The following UBAC1 variants were observed in gnomAD, a reference collection of about 807,000 sequenced individuals.
UBAC1 encodes UBA domain containing 1.
UBAC1 carries 27 observed loss-of-function variants against 45.9 expected under a neutral mutation model. That is an observed-to-expected ratio of 0.59 (90% CI 0.43 to 0.81). The LOEUF (loss-of-function observed/expected upper bound fraction) is 0.81, where lower values mean the gene tolerates loss of function less well. Among genes scored for constraint, UBAC1 ranks in the 30% least tolerant of loss-of-function variants. The pLI is 0.00. For missense variants in UBAC1, 529 were observed against 539.2 expected (o/e 0.98, Z 0.19); for synonymous variants, 227 against 215.5 (o/e 1.05, Z -0.47).
intron 8 of UBAC1, among the ~76,000 whole-genome samples, 188 bp downstream of exon 8, chr9:135,939,484 CT>C: frequency 9.4e-6 from 1 of 106,058 alleles, no homozygotes; most frequent in Non-Finnish European, 2.1e-5. Context: ...CCCACACTCA[CT>C]CACCACAGCC....
chr9:135,935,791 CCG>C lies in UBAC1; in HGVS notation c.1103-2278_1103-2277del, dbSNP rs1241470654. The stretch of plus-strand genomic sequence containing the variant: ...CCTGTAATCCCAGCACTTTGGGAGG[CCG>C]AGACGGGCGGATCACGAGGTCAGGA... On this transcript the variant is annotated intron_variant, in intron 9 of 9. Coordinates refer to ENST00000371756, the MANE Select transcript of UBAC1 (RefSeq NM_016172.3). 3.3e-5 allele frequency among the ~76,000 whole-genome samples: 5 copies of C among 152,286 alleles called. No homozygotes were observed. In the East Asian group the frequency reaches 9.6e-4, roughly 29 times the overall value.
Position 135,938,297 on chromosome 9 carries a change from C to T in UBAC1, c.1027G>A (p.Asp343Asn), listed in dbSNP as rs200423294. Residue 343 changes from aspartate (D) to asparagine (N), a missense_variant, in exon 9 of 10, where the codon GAC becomes AAC. Physicochemically the swap from Asp to Asn is conservative, Grantham distance 23. Coordinates refer to ENST00000371756, the MANE Select transcript of UBAC1 (RefSeq NM_016172.3). ...PEELDKGIDP[D>N]SPLFQAILDN... is the part of the protein sequence containing the mutation. Reference sequence around the variant, plus strand: ...AGGATGGCCTGAAAGAGAGGACTGTCGGGGTCGATGCCCTTGTCCAGCTCC... The same window carrying T: ...AGGATGGCCTGAAAGAGAGGACTGTTGGGGTCGATGCCCTTGTCCAGCTCC... 4.1e-5 allele frequency: 66 copies of T among 1,614,038 alleles called. No homozygotes were observed. The highest frequency in any genetic ancestry group is 5.3e-5 in the Non-Finnish European group (62 of 1,180,050).
chr9:135,945,061 GAT>G lies in UBAC1; in HGVS notation c.841_842del (p.Ile281ProfsTer9). On this transcript the variant is annotated frameshift_variant, in exon 7 of 10. Coordinates refer to ENST00000371756, the MANE Select transcript of UBAC1 (RefSeq NM_016172.3). LOFTEE classifies it high-confidence loss of function. Reference protein sequence around the residue: ...RDELTEIFKKIRRKREFRADA... With the variant: ...RDELTEIFKKXRRKREFRADA... ...CAGCCCGAAACTCCCTTTTCCTCCG[GAT>G]CTTCTTGAAGATTTCCGTCAGCTCA... 1 of 1,613,862 alleles carries G rather than the reference GAT, an allele frequency of 6.2e-7. No individual in the cohort carries two copies. Among genetic ancestry groups the G allele is most frequent in the Non-Finnish European group, 8.5e-7 (1 of 1,179,918 alleles).
At chr9:135,934,818 A>G (rs1839184844) in intron 9 of UBAC1, among the ~76,000 whole-genome samples, 2 of 152,220 alleles carry the variant, frequency 1.3e-5, no homozygotes, top group Non-Finnish European at 2.9e-5. Context: ...GAACAAAAAG[A>G]TAAAGAGTTA....
At position 135,946,276 on chromosome 9, in the gene UBAC1, C is replaced by T. The variant is rs754604165; in HGVS notation, c.537G>A (p.Lys179=). Residue 179 remains lysine, a synonymous_variant, in exon 5 of 10, where the codon AAG becomes AAA. Coordinates refer to ENST00000371756, the MANE Select transcript of UBAC1 (RefSeq NM_016172.3). The part of the protein sequence containing the change: ...LNPDAVELFK[K]ANAMLDEDED... ...ATCGGGGTTGACTCATACCATTCGCCTTCTTAAACAATTCCACTGCATCTG... is the reference window on the plus strand; with the variant it reads ...ATCGGGGTTGACTCATACCATTCGCTTTCTTAAACAATTCCACTGCATCTG... 6.2e-6 allele frequency: 10 copies of T among 1,611,640 alleles called. No individual in the cohort carries two copies. Among genetic ancestry groups the T allele is most frequent in the African/African-American group, 1.3e-5 (1 of 74,896 alleles).
chr9:135,943,174 C>T (rs1839289324), intron 7 of UBAC1, among the ~76,000 whole-genome samples: 1 of 152,164 alleles, frequency 6.6e-6, no homozygotes, highest in Admixed American at 6.5e-5. Context: ...AATCCCAGCA[C>T]TTTGGGAGGC....
At chr9:135,957,473 C>A (rs1182477043) in intron 1 of UBAC1, among the ~76,000 whole-genome samples, 1 of 152,156 alleles carries the variant, frequency 6.6e-6, no homozygotes, top group Non-Finnish European at 1.5e-5. Context: ...GTGTCACCAG[C>A]ACACCAGGAA....
At chr9:135,939,973 A>C (rs1839249096) in intron 7 of UBAC1, among the ~76,000 whole-genome samples, 1 of 152,240 alleles carries the variant, frequency 6.6e-6, no homozygotes, top group African/African-American at 2.4e-5. Flanking sequence ...GGATGACTGT[A>C]GTTAGCAGAG....
Position 135,933,087 on chromosome 9 carries a change from CA to C in UBAC1, c.*312del. ...TCAAATAACAAGTGGACTCTCCAAG[CA>C]AATGTCTACACGGCAATTCAAGCAG... On this transcript the variant is annotated 3_prime_UTR_variant, in exon 10 of 10. Transcript: ENST00000371756. 2 of 282,820 alleles carry C rather than the reference CA, an allele frequency of 7.1e-6. No homozygotes were observed. The highest frequency in any genetic ancestry group is 1.4e-4 in the South Asian group (2 of 13,940). 17.5% of individuals were successfully genotyped at this position (282,820 alleles called of 1,614,324 possible).
intron 1 of UBAC1, among the ~76,000 whole-genome samples, chr9:135,958,892 T>C (rs1454830783): frequency 6.6e-6 from 1 of 152,216 alleles, no homozygotes; most frequent in Non-Finnish European, 1.5e-5. Context: ...CCTCCACACC[T>C]GTGGAAACCG....
In UBAC1 at chr9:135,948,080, C is replaced by T. The variant is rs966389653; in HGVS notation, c.334-175G>A. Reference sequence around the variant, plus strand: ...GAGAGTTCTGTGCAAGGCCCAGGGACAGCAGACGTGTCCTCAGCGTCTGCT... The same window carrying T: ...GAGAGTTCTGTGCAAGGCCCAGGGATAGCAGACGTGTCCTCAGCGTCTGCT... On this transcript the variant is annotated intron_variant, in intron 3 of 9. Transcript: ENST00000371756. The T allele has an allele frequency of 3.2e-5, 19 of 592,204 alleles. 1 individual carries two copies. Among genetic ancestry groups the T allele is most frequent in the Admixed American group, 1.3e-4 (4 of 31,842 alleles). 36.7% of individuals were successfully genotyped at this position (592,204 alleles called of 1,614,324 possible). A position where few individuals can be genotyped will look rare whatever the true frequency, so the allele number is the denominator to read the frequency against.
Position 135,938,347 on chromosome 9 carries a change from A to T in UBAC1, c.977T>A (p.Leu326Gln). Residue 326 changes from leucine to glutamine, a missense_variant, in exon 9 of 10, where the codon CTG (leucine) becomes CAG (glutamine). By Grantham distance (113) the Leu-to-Gln change is moderately radical. Transcript: ENST00000371756. ...CTCCGGAGAGGGCTTCCGGTCCCCC[A>T]GCAGCCACTCGCACTGCAAAGCCAA... ...NQQNAACEWL[L>Q]GDRKPSPEEL... The T allele has an allele frequency of 6.2e-7, 1 of 1,613,432 alleles. No individual in the cohort carries two copies. The highest frequency in any genetic ancestry group is 8.5e-7 in the Non-Finnish European group (1 of 1,179,952).
chr9:135,954,615 T>A (rs770269637), intron 2 of UBAC1, among the ~76,000 whole-genome samples: 1 of 152,164 alleles, frequency 6.6e-6, no homozygotes, highest in Non-Finnish European at 1.5e-5. Context: ...CCAATAATTG[T>A]GCAAAGAATT....
rs143880729 is a variant in UBAC1, at chr9:135,948,503, C to A, written c.334-598G>T. Among the ~76,000 whole-genome samples, 84 of 152,368 alleles carry A rather than the reference C, an allele frequency of 5.5e-4. No homozygotes were observed. In the East Asian group the frequency reaches 0.015, roughly 28 times the overall value. On this transcript the variant is annotated intron_variant, in intron 3 of 9. Coordinates refer to ENST00000371756, the MANE Select transcript of UBAC1 (RefSeq NM_016172.3). ...TCGGTGGCAGGGGACAAGGAGCGAG[C>A]CTCAGGAGCTAGCGCTCCATCCCCC...
At chr9:135,953,807 A>T (rs1839434856) in intron 2 of UBAC1, 54 bp from the exon 3 acceptor site, 1 of 1,534,258 alleles carries the variant, frequency 6.5e-7, no homozygotes, top group African/African-American at 1.4e-5. Flanking sequence ...CATATCCACA[A>T]AATGGCATAA....
At chr9:135,953,198 A>C (rs145323411) in intron 3 of UBAC1, among the ~76,000 whole-genome samples, 2,758 of 152,330 alleles carry the variant, frequency 0.018, 43 homozygotes, top group Non-Finnish European at 0.023. Context: ...CACGGATTAA[A>C]CAGGCTCTGC....
intron 3 of UBAC1, among the ~76,000 whole-genome samples, chr9:135,948,320 C>T (rs1588534086): frequency 6.6e-6 from 1 of 152,192 alleles, no homozygotes; most frequent in Non-Finnish European, 1.5e-5. Context: ...TAGAAACTCA[C>T]GAGAACAAAA....
At chr9:135,938,496 G>A in intron 8 of UBAC1, 136 bp from the exon 9 acceptor site, 9 of 1,143,756 alleles carry the variant, frequency 7.9e-6, no homozygotes, top group Non-Finnish European at 7.2e-6. Flanking sequence ...TCCCTGGAAG[G>A]GACTCTACCG....
In UBAC1 at chr9:135,947,820, G is replaced by A. The variant is rs1441490793; in HGVS notation, c.419C>T (p.Ala140Val). The A allele has an allele frequency of 9.9e-6, 16 of 1,613,810 alleles. No individual in the cohort carries two copies. The highest frequency in any genetic ancestry group is 5.3e-5 in the African/African-American group (4 of 74,912). Residue 140 changes from alanine to valine, a missense_variant, in exon 4 of 10, where the codon GCG becomes GTG. Coordinates refer to ENST00000371756, the MANE Select transcript of UBAC1 (RefSeq NM_016172.3). ...NLPSYNMDRAAVQTNMRDFQT... is the reference protein window; with the variant it reads ...NLPSYNMDRAVVQTNMRDFQT... Reference sequence around the variant, plus strand: ...CACGTCTCTCATGTTGGTCTGGACCGCGGCCCGGTCCATGTTGTAGGAGGG... The same window carrying A: ...CACGTCTCTCATGTTGGTCTGGACCACGGCCCGGTCCATGTTGTAGGAGGG...
Sources: allele counts gnomAD v4.1 joint callset (sites outside exome capture counted in the v4.1 genomes callset), GRCh38; gene constraint gnomAD v4.1.1; transcripts MANE v1.5; gene names NCBI Gene and HGNC (gene_info 2026-07-23, HGNC 2026-07-21).